Variants in FMO5 observed in about 807,000 individuals in gnomAD.
The protein encoded by FMO5 is flavin-containing monooxygenase 5.
In FMO5, 51 loss-of-function variants were observed where a neutral mutation model predicts 43.6. The ratio of observed to expected loss-of-function variants is 1.17; its 90% CI spans 0.93 to 1.48. The LOEUF (loss-of-function observed/expected upper bound fraction) is 1.48. Among genes scored for constraint, FMO5 ranks in the 40% most tolerant of loss-of-function variants. The pLI is 0.00. For synonymous variants in FMO5, 187 were observed against 216.5 expected, an observed-to-expected ratio of 0.86 and a Z score of 1.20; for missense variants, 644 against 643.0, an observed-to-expected ratio of 1.00 and a Z score of -0.02.
At position 147,213,356 on chromosome 1, in the gene FMO5, A is replaced by C. The variant is rs782547260; in HGVS notation, c.439T>G (p.Cys147Gly). The change falls in exon 4 of 9, where the codon TGC becomes GGC. Residue 147 changes from cysteine to glycine, a missense_variant. Physicochemically the swap from Cys to Gly is radical, Grantham distance 159 (BLOSUM62 -3). Coordinates refer to ENST00000254090, the MANE Select transcript of FMO5 (RefSeq NM_001461.4). ...TGAGCATTGGTGTGATGGCCAGTGCAAACCATGACTCCATCAAAGACATTC... is the reference window on the plus strand; with the variant it reads ...TGAGCATTGGTGTGATGGCCAGTGCCAACCATGACTCCATCAAAGACATTC... The part of the protein sequence containing the change: ...EMNVFDGVMV[C>G]TGHHTNAHLP... The C allele has an allele frequency of 1.2e-6, 2 of 1,613,574 alleles. No individual in the cohort carries two copies. Among genetic ancestry groups the C allele is most frequent in the Non-Finnish European group, 1.7e-6 (2 of 1,179,734 alleles).
At chr1:147,189,269 TC>T (rs1268438972) in intron 8 of FMO5, among the ~76,000 whole-genome samples, 1 of 123,880 alleles carries the variant, frequency 8.1e-6, no homozygotes, top group Admixed American at 7.8e-5. Flanking sequence ...TGAGACTCCG[TC>T]TAAAAAAAAA....
chr1:147,194,736 G>A, intron 7 of FMO5, among the ~76,000 whole-genome samples: 1 of 151,792 alleles, frequency 6.6e-6, no homozygotes, highest in African/African-American at 2.4e-5. Flanking sequence ...TTGCTTGTCT[G>A]TAAAGTATTT....
At chr1:147,209,319 T>G (rs1553923286) in intron 5 of FMO5, among the ~76,000 whole-genome samples, 3 of 151,126 alleles carry the variant, frequency 2.0e-5, no homozygotes, top group Admixed American at 6.6e-5. Flanking sequence ...GTGCCTGTAG[T>G]CCCAGCTACT....
chr1:147,187,046 T>C lies in FMO5; in HGVS notation c.1456A>G (p.Lys486Glu). The change falls in exon 9 of 9, where the codon AAA becomes GAA. Residue 486 changes from lysine to glutamate, a missense_variant. Lys to Glu is a moderately conservative substitution (Grantham distance 56, BLOSUM62 1). Transcript: ENST00000254090. ...QGPGKWDGAR[K>E]AILTTDDRIR... ...CGATCATCTGTGGTGAGGATAGCTTTTCGAGCCCCATCCCACTTTCCAGGG... is the reference window on the plus strand; with the variant it reads ...CGATCATCTGTGGTGAGGATAGCTTCTCGAGCCCCATCCCACTTTCCAGGG... The C allele has an allele frequency of 6.2e-7, 1 of 1,614,146 alleles. No homozygotes were observed. Among genetic ancestry groups the C allele is most frequent in the Non-Finnish European group, 8.5e-7 (1 of 1,180,016 alleles).
At chr1:147,195,028 G>A (rs1657705071) in intron 7 of FMO5, among the ~76,000 whole-genome samples, 1 of 151,714 alleles carries the variant, frequency 6.6e-6, no homozygotes, top group Non-Finnish European at 1.5e-5. Flanking sequence ...GGCGTTCTCT[G>A]TATTTCCTGA....
chr1:147,214,083 G>T (rs587619792), intron 3 of FMO5, among the ~76,000 whole-genome samples: 15 of 152,234 alleles, frequency 9.9e-5, no homozygotes, highest in Non-Finnish European at 1.8e-4. Context: ...ATAAATATGG[G>T]TTACCCTACT....
At chr1:147,216,897 C>A (rs916205945) in intron 2 of FMO5, among the ~76,000 whole-genome samples, 1 of 152,260 alleles carries the variant, frequency 6.6e-6, no homozygotes, top group South Asian at 2.1e-4. Flanking sequence ...GACATTAATC[C>A]TCAATTCAGT....
At chr1:147,202,375 A>G (rs1025622958) in intron 6 of FMO5, among the ~76,000 whole-genome samples, 1 of 118,752 alleles carries the variant, frequency 8.4e-6, no homozygotes, top group Non-Finnish European at 1.6e-5. Context: ...GCTGGAGTGC[A>G]GTGGCATGAT....
intron 7 of FMO5, among the ~76,000 whole-genome samples, chr1:147,200,639 A>C (rs1311267199): frequency 6.6e-6 from 1 of 152,134 alleles, no homozygotes; most frequent in African/African-American, 2.4e-5. Flanking sequence ...AGGGGACATA[A>C]AAGGAGAAAA....
Position 147,206,808 on chromosome 1 carries a change from ATG to A in FMO5, c.830+2042_830+2043del, listed in dbSNP as rs1660157140. ...AGCATAGCATTAGGAGATATATCTG[ATG>A]TAAATGACAAGTTAATGGATGTAAA... is the stretch of plus-strand genomic sequence containing the variant. On this transcript the variant is annotated intron_variant, in intron 6 of 8. Coordinates refer to ENST00000254090, the MANE Select transcript of FMO5 (RefSeq NM_001461.4). Among the ~76,000 whole-genome samples the A allele has an allele frequency of 1.4e-4, 4 of 29,052 alleles. No individual in the cohort carries two copies. In the African/African-American group the frequency reaches 3.5e-3, roughly 25 times the overall value. The allele number at this position is 29,052 out of a possible 152,430, so 19.1% of individuals were successfully genotyped here. A position where few individuals can be genotyped will look rare whatever the true frequency, so the allele number is the denominator to read the frequency against.
intron 7 of FMO5, among the ~76,000 whole-genome samples, chr1:147,192,351 A>G (rs1443301541): frequency 2.6e-5 from 4 of 152,158 alleles, no homozygotes; most frequent in African/African-American, 9.6e-5. Context: ...TGATTTTTGT[A>G]CATTGATTTT....
At chr1:147,190,790 G>A (rs945645954) in intron 7 of FMO5, among the ~76,000 whole-genome samples, 8 of 151,892 alleles carry the variant, frequency 5.3e-5, no homozygotes, top group East Asian at 3.9e-4. Flanking sequence ...CCATTAACTC[G>A]TCATTTAGCA....
upstream of FMO5, among the ~76,000 whole-genome samples, chr1:147,227,021 G>T (rs1664027520): frequency 6.6e-6 from 1 of 151,966 alleles, no homozygotes; most frequent in Non-Finnish European, 1.5e-5. Context: ...TAGAAATGAG[G>T]TTTCACTATG....
intron 7 of FMO5, among the ~76,000 whole-genome samples, chr1:147,196,919 A>G (rs1553919940): frequency 1.3e-5 from 2 of 152,112 alleles, no homozygotes; most frequent in Admixed American, 1.3e-4. Flanking sequence ...ACCTTGGTTT[A>G]AAGCTCTCAT....
intron 6 of FMO5, among the ~76,000 whole-genome samples, chr1:147,202,146 A>G (rs1659079083): frequency 6.6e-6 from 1 of 152,112 alleles, no homozygotes; most frequent in African/African-American, 2.4e-5. Flanking sequence ...TTTTCAGTGA[A>G]TTATCTTGGT....
rs1663777569 is a variant in FMO5 at position 147,225,002 on chromosome 1, CA to C, written c.27del (p.Ile9MetfsTer5). On this transcript the variant is annotated frameshift_variant, in exon 2 of 9. Coordinates refer to ENST00000254090, the MANE Select transcript of FMO5 (RefSeq NM_001461.4). LOFTEE classifies it high-confidence loss of function. MTKKRIAV[I>X]GGGVSGLSSI... ...GAAGAGAGCCCGCTCACTCCTCCCC[CA>C]ATCACAGCAATTCTTTTCTTAGTCA... The C allele has an allele frequency of 6.2e-7, 1 of 1,613,948 alleles. No individual in the cohort carries two copies. Among genetic ancestry groups the C allele is most frequent in the South Asian group, 1.1e-5 (1 of 91,086 alleles).
At chr1:147,225,167 C>T in intron 1 of FMO5, 101 bp from the exon 2 acceptor site, 1 of 1,517,702 alleles carries the variant, frequency 6.6e-7, no homozygotes, top group Admixed American at 2.0e-5. Flanking sequence ...CAAGAGGTGT[C>T]TTGAGGAGGA....
chr1:147,211,711 AC>A (rs1465369084), intron 5 of FMO5: 1 of 152,232 alleles, frequency 6.6e-6, no homozygotes, highest in Non-Finnish European at 1.5e-5. Context: ...TATAGTGAAG[AC>A]ACTTGCTTCT....
Position 147,224,114 on chromosome 1 carries a change from G to C in FMO5, c.135+781C>G, listed in dbSNP as rs2102111758. 31 of 347,736 alleles carry C rather than the reference G, an allele frequency of 8.9e-5. 1 individual carries two copies. The highest frequency in any genetic ancestry group is 7.2e-4 in the South Asian group (31 of 43,136). The allele number at this position is 347,736 out of a possible 1,614,324, so 21.5% of individuals were successfully genotyped here. On this transcript the variant is annotated intron_variant, in intron 2 of 8. Coordinates refer to ENST00000254090, the MANE Select transcript of FMO5 (RefSeq NM_001461.4). Reference sequence around the variant, plus strand: ...CCCTTACTGCATTATCAAGGGTGAGGTAAGATTGGGATGTCTAGTCCACAG... The same window carrying C: ...CCCTTACTGCATTATCAAGGGTGAGCTAAGATTGGGATGTCTAGTCCACAG...
Sources: gnomAD v4.1 joint callset for allele counts (sites outside exome capture counted in the v4.1 genomes callset) on GRCh38, gnomAD v4.1.1 for gene constraint, MANE v1.5 for transcripts, NCBI Gene and HGNC (gene_info 2026-07-23, HGNC 2026-07-21) for gene names.